The following DNAH5 variants were observed in gnomAD, a reference collection of about 807,000 sequenced individuals.
DNAH5 encodes dynein axonemal heavy chain 5.
Under a neutral mutation model 518.2 loss-of-function variants are expected in DNAH5, and 372 were observed. The ratio of observed to expected loss-of-function variants is 0.72; its 90% CI spans 0.66 to 0.78. The LOEUF (loss-of-function observed/expected upper bound fraction) is 0.78, where lower values mean the gene tolerates loss of function less well. Ranked by LOEUF, DNAH5 falls within the 30% of genes least tolerant of loss-of-function variation. The pLI, the probability that DNAH5 is intolerant of heterozygous loss-of-function variation, is 0.00. For missense variants in DNAH5, 5,523 were observed against 5,687.0 expected, an observed-to-expected ratio of 0.97 and a Z score of 0.93; for synonymous variants, 2,039 against 2,025.9, an observed-to-expected ratio of 1.01 and a Z score of -0.17.
At chr5:13,933,427 T>TA (rs998189593) in intron 1 of DNAH5, among the ~76,000 whole-genome samples, 3 of 151,986 alleles carry the variant, frequency 2.0e-5, no homozygotes, top group Non-Finnish European at 2.9e-5. Context: ...GAAAACACAC[T>TA]AAAAAAGTGA....
At position 13,920,290 on chromosome 5, in the gene DNAH5, A is replaced by G. The variant is rs6863599; in HGVS notation, c.798+190T>C. ...TAAGTATATGCAGCCATTTTCTTTC[A>G]TTTCTTAGAATTCTTACTACCTCTT... On this transcript the variant is annotated intron_variant, in intron 6 of 78. Transcript: ENST00000265104. 1.9e-3 allele frequency among the ~76,000 whole-genome samples: 294 copies of G among 152,336 alleles called. 2 individuals carry two copies. The highest frequency in any genetic ancestry group is 0.018 in the South Asian group (89 of 4,830).
rs1221618846 is a variant in DNAH5, at chr5:13,727,602, C to T, written c.11938G>A (p.Glu3980Lys). 3 of 1,613,794 alleles carry T rather than the reference C, an allele frequency of 1.9e-6. No homozygotes were observed. The highest frequency in any genetic ancestry group is 2.5e-6 in the Non-Finnish European group (3 of 1,179,800). The change falls in exon 70 of 79, where the codon GAG (glutamate) becomes AAG (lysine). Residue 3980 changes from glutamate (E) to lysine (K), a missense_variant. Coordinates refer to ENST00000265104, the MANE Select transcript of DNAH5 (RefSeq NM_001369.3). ...KIWFDKENPEEEPLPNAYDKS... is the reference protein window; with the variant it reads ...KIWFDKENPEKEPLPNAYDKS... ...TCATAGGCATTTGGAAGAGGTTCCT[C>T]CTCCGGGTTTTCCTTATCAAACCAA...
Position 13,874,593 on chromosome 5 carries a change from C to T in DNAH5, c.3396+2091G>A, listed in dbSNP as rs1329631896. Among the ~76,000 whole-genome samples the T allele has an allele frequency of 3.4e-4, 51 of 152,148 alleles. 1 individual carries two copies. Among genetic ancestry groups the T allele is most frequent in the Admixed American group, 3.3e-3 (51 of 15,274 alleles). On this transcript the variant is annotated intron_variant, in intron 22 of 78. Transcript: ENST00000265104. ...AGTGCAGTGGCACCATCTCAGCTCA[C>T]TGCAACCTCTGCCTTCTAGATTCAG...
intron 31 of DNAH5, among the ~76,000 whole-genome samples, chr5:13,849,732 C>T (rs1580572026): frequency 6.6e-6 from 1 of 152,132 alleles, no homozygotes; most frequent in Non-Finnish European, 1.5e-5. Context: ...TTTGGTTAGC[C>T]GAGAATAAAT....
At chr5:13,976,232 C>T (rs1172131880) in intron 1 of DNAH5, among the ~76,000 whole-genome samples, 1 of 152,188 alleles carries the variant, frequency 6.6e-6, no homozygotes, top group Admixed American at 6.5e-5. Context: ...TTATTAGATA[C>T]AGTAGTTCCC....
At chr5:13,954,392 T>C (rs1417852968) in intron 1 of DNAH5, among the ~76,000 whole-genome samples, 6 of 152,220 alleles carry the variant, frequency 3.9e-5, no homozygotes, top group African/African-American at 9.6e-5. Context: ...GTGGAAAATA[T>C]ACCCTTTTAT....
intron 50 of DNAH5, 57 bp downstream of exon 50, chr5:13,791,937 T>C (rs1468871798): frequency 1.4e-6 from 2 of 1,387,148 alleles, no homozygotes; most frequent in Non-Finnish European, 2.0e-6. Flanking sequence ...ATAAAAATAT[T>C]TAGAATATAT....
chr5:13,749,860 A>T lies in DNAH5; in HGVS notation c.11211+1218T>A, dbSNP rs367952875. Among the ~76,000 whole-genome samples the T allele has an allele frequency of 5.9e-5, 9 of 152,174 alleles. No homozygotes were observed. In the East Asian group the frequency reaches 1.5e-3, roughly 26 times the overall value. On this transcript the variant is annotated intron_variant, in intron 65 of 78. Transcript: ENST00000265104. ...CACCTCTATTGAGATTTAACTCGGG[A>T]CTCAAAAACTAAGCAAGTACATATT...
chr5:13,867,626 G>A, intron 25 of DNAH5, 148 bp downstream of exon 25: 1 of 709,628 alleles, frequency 1.4e-6, no homozygotes, highest in Non-Finnish European at 2.5e-6. Flanking sequence ...GAAAAAAAAT[G>A]TTTTTCTCTC....
intron 77 of DNAH5, 64 bp from the exon 78 acceptor site, chr5:13,700,935 C>T: frequency 6.6e-7 from 1 of 1,508,768 alleles, no homozygotes; most frequent in South Asian, 1.1e-5. Context: ...AAGAGCATAA[C>T]AATAATGAAA....
chr5:13,760,051 T>C (rs1751574841), intron 60 of DNAH5, among the ~76,000 whole-genome samples: 3 of 152,162 alleles, frequency 2.0e-5, no homozygotes, highest in African/African-American at 7.2e-5. Context: ...GGTGGAACAT[T>C]TTTTCCTCAG....
At position 13,727,595 on chromosome 5, in the gene DNAH5, G is replaced by C; in HGVS notation, c.11945C>G (p.Pro3982Arg). The C allele has an allele frequency of 1.2e-6, 2 of 1,613,804 alleles. No individual in the cohort carries two copies. The highest frequency in any genetic ancestry group is 2.2e-5 in the East Asian group (1 of 44,834). The part of the protein sequence containing the change: ...WFDKENPEEE[P>R]LPNAYDKSLD... ...AGATTTATCATAGGCATTTGGAAGA[G>C]GTTCCTCCTCCGGGTTTTCCTTATC... Residue 3982 changes from proline to arginine, a missense_variant, in exon 70 of 79, where the codon CCT becomes CGT. Pro to Arg is a moderately radical substitution (Grantham distance 103). Around this residue, in one of 3 missense-constraint regions of DNAH5, gnomAD observed 5,121 missense variants for 5,223.3 expected, o/e 0.98. Coordinates refer to ENST00000265104, the MANE Select transcript of DNAH5 (RefSeq NM_001369.3).
chr5:13,996,458 G>A (rs1783959152), intron 1 of DNAH5, among the ~76,000 whole-genome samples: 1 of 152,188 alleles, frequency 6.6e-6, no homozygotes, highest in African/African-American at 2.4e-5. Context: ...TCAGATGTGG[G>A]TGATATTCAA....
chr5:13,812,498 G>A (rs1353584131), intron 43 of DNAH5, among the ~76,000 whole-genome samples: 1 of 152,058 alleles, frequency 6.6e-6, no homozygotes, highest in African/African-American at 2.4e-5. Context: ...TCGAGACAGG[G>A]TTTTGCCATA....
Position 13,870,945 on chromosome 5 carries a change from C to T in DNAH5, c.3656G>A (p.Arg1219His), listed in dbSNP as rs73055857. The change falls in exon 24 of 79, where the codon CGC (arginine) becomes CAC (histidine). Residue 1219 changes from arginine (R) to histidine (H), a missense_variant. By Grantham distance (29) the Arg-to-His change is conservative. Around this residue, in one of 3 missense-constraint regions of DNAH5, gnomAD observed 5,121 missense variants for 5,223.3 expected, o/e 0.98. Transcript: ENST00000265104. The stretch of plus-strand genomic sequence containing the variant: ...ACTCCGGTATTTTTTGTTACAGTGG[C>T]GTCCAATGACAACCATCCAGGCCTT... The part of the protein sequence containing the change: ...ETKAWMVVIG[R>H]HCNKKYRSEM... The T allele has an allele frequency of 8.5e-5, 137 of 1,613,704 alleles. 1 individual carries two copies. The South Asian group carries it at 9.6e-4, about 11-fold the overall frequency.
At chr5:13,833,496 G>A (rs1236543983) in intron 35 of DNAH5, among the ~76,000 whole-genome samples, 1 of 149,592 alleles carries the variant, frequency 6.7e-6, no homozygotes, top group Admixed American at 6.7e-5. Flanking sequence ...GTGATAGCAA[G>A]AATAATAATA....
intron 78 of DNAH5, among the ~76,000 whole-genome samples, chr5:13,693,657 A>G (rs7713226): frequency 1.1e-4 from 17 of 152,150 alleles, no homozygotes; most frequent in African/African-American, 4.1e-4. Context: ...GGTCAGGGAT[A>G]ATGCTAACAT....
chr5:13,746,247 G>A (rs1476748404), intron 65 of DNAH5, among the ~76,000 whole-genome samples: 4 of 152,098 alleles, frequency 2.6e-5, no homozygotes, highest in African/African-American at 7.2e-5. Flanking sequence ...TGGAGAGAGA[G>A]GATGGGTTGA....
intron 12 of DNAH5, among the ~76,000 whole-genome samples, chr5:13,903,594 T>C (rs1312011178): frequency 6.6e-6 from 1 of 151,748 alleles, no homozygotes; most frequent in Non-Finnish European, 1.5e-5. Flanking sequence ...TATTAAAAGA[T>C]AGAAATATTA....
Sources: gnomAD v4.1 joint callset for allele counts (sites outside exome capture counted in the v4.1 genomes callset) on GRCh38, gnomAD v4.1.1 for gene constraint, gnomAD v4.1.1 regional missense constraint, MANE v1.5 for transcripts, NCBI Gene and HGNC (gene_info 2026-07-23, HGNC 2026-07-21) for gene names.